CACNB2: variants seen among roughly 807,000 people sequenced by gnomAD.
The protein encoded by CACNB2 is calcium voltage-gated channel auxiliary subunit beta 2.
CACNB2 carries 42 observed loss-of-function variants against 73.3 expected under a neutral mutation model. The ratio of observed to expected loss-of-function variants is 0.57; its 90% CI spans 0.45 to 0.74. CACNB2 has a LOEUF of 0.74. Among genes scored for constraint, CACNB2 ranks in the 30% least tolerant of loss-of-function variants. CACNB2 has a pLI of 0.00. For missense variants in CACNB2, 940 were observed against 853.0 expected, an observed-to-expected ratio of 1.10 and a Z score of -1.27; for synonymous variants, 348 against 310.3, an observed-to-expected ratio of 1.12 and a Z score of -1.28.
At chr10:18,228,393 A>G (rs191665449) in intron 2 of CACNB2, among the ~76,000 whole-genome samples, 23 of 132,690 alleles carry the variant, frequency 1.7e-4, no homozygotes, top group Admixed American at 1.4e-3. Flanking sequence ...AGATGGCGAC[A>G]TTGCACTCCA....
intron 3 of CACNB2, among the ~76,000 whole-genome samples, chr10:18,496,730 C>T (rs972924915): frequency 8.3e-5 from 11 of 132,086 alleles, no homozygotes; most frequent in African/African-American, 3.2e-4. Flanking sequence ...AGGAGAACCG[C>T]TTGAATGCAG....
At chr10:18,273,314 T>C (rs2038136578) in intron 2 of CACNB2, among the ~76,000 whole-genome samples, 1 of 151,618 alleles carries the variant, frequency 6.6e-6, no homozygotes, top group Non-Finnish European at 1.5e-5. Context: ...TTACAGACAG[T>C]GGAGGACGAA....
chr10:18,460,192 T>G (rs1456023163), intron 3 of CACNB2, among the ~76,000 whole-genome samples: 1 of 152,190 alleles, frequency 6.6e-6, no homozygotes, highest in Non-Finnish European at 1.5e-5. Flanking sequence ...TTAGGAGTGT[T>G]GTTTTAATTC....
At chr10:18,384,652 C>G (rs1352282831) in intron 2 of CACNB2, among the ~76,000 whole-genome samples, 1 of 151,430 alleles carries the variant, frequency 6.6e-6, no homozygotes, top group Non-Finnish European at 1.5e-5. Context: ...ATCACTTGAG[C>G]CTGGAAGGTG....
chr10:18,162,250 T>A (rs1170989740), intron 2 of CACNB2, among the ~76,000 whole-genome samples: 2 of 152,232 alleles, frequency 1.3e-5, no homozygotes, highest in East Asian at 3.8e-4. Context: ...TATAGAAATT[T>A]AACACCTAAA....
intron 3 of CACNB2, among the ~76,000 whole-genome samples, chr10:18,417,360 C>CTTTTTT (rs34847923): frequency 2.3e-5 from 2 of 87,014 alleles, no homozygotes; most frequent in African/African-American, 5.2e-5. Flanking sequence ...GCTAAAAATT[C>CTTTTTT]TTTTTTTTTT....
chr10:18,493,086 A>G (rs1445749965), intron 3 of CACNB2, among the ~76,000 whole-genome samples: 1 of 152,248 alleles, frequency 6.6e-6, no homozygotes, highest in Non-Finnish European at 1.5e-5. Context: ...CTATTTGCAT[A>G]GCGTTTACCT....
chr10:18,390,406 G>T (rs760080665), intron 2 of CACNB2, among the ~76,000 whole-genome samples: 93 of 152,156 alleles, frequency 6.1e-4, no homozygotes, highest in Non-Finnish European at 1.1e-3. Flanking sequence ...AGCGATGGGG[G>T]TTTCACCATA....
chr10:18,377,141 A>G (rs1295894664), intron 2 of CACNB2, among the ~76,000 whole-genome samples: 1 of 152,184 alleles, frequency 6.6e-6, no homozygotes, highest in Non-Finnish European at 1.5e-5. Context: ...CTGCAAAAAG[A>G]AAACCAAAAA....
chr10:18,400,960 C>G, intron 2 of CACNB2: 10 of 1,610,222 alleles, frequency 6.2e-6, no homozygotes, highest in African/African-American at 1.3e-5. Flanking sequence ...CTGGGGTTCT[C>G]CGGGGCTCAG....
intron 2 of CACNB2, among the ~76,000 whole-genome samples, chr10:18,377,355 TTA>T (rs2042842639): frequency 6.6e-6 from 1 of 152,218 alleles, no homozygotes; most frequent in South Asian, 2.1e-4. Context: ...CTATATAATA[TTA>T]TGTCTGGTGT....
intron 13 of CACNB2, 84 bp downstream of exon 13, chr10:18,538,449 C>T: frequency 2.5e-6 from 3 of 1,190,590 alleles, no homozygotes; most frequent in Non-Finnish European, 3.7e-6. Flanking sequence ...GGATCCAAGC[C>T]CAGTAGCCTG....
intron 2 of CACNB2, among the ~76,000 whole-genome samples, chr10:18,164,203 C>T (rs2032680898): frequency 6.6e-6 from 1 of 152,224 alleles, no homozygotes; most frequent in South Asian, 2.1e-4. Context: ...GGGTTTAGAG[C>T]TGCAGACAGC....
At chr10:18,328,653 A>C (rs4146986) in intron 2 of CACNB2, among the ~76,000 whole-genome samples, 3,096 of 152,314 alleles carry the variant, frequency 0.02, 94 homozygotes, top group Admixed American at 0.086. Context: ...CTAATTTAAC[A>C]AACCAGTGTA....
intron 2 of CACNB2, among the ~76,000 whole-genome samples, chr10:18,352,117 C>A (rs1049585720): frequency 1.3e-5 from 2 of 152,250 alleles, no homozygotes; most frequent in African/African-American, 2.4e-5. Context: ...AAAAGTACAA[C>A]TTAAAAGTAC....
At chr10:18,401,809 C>T (rs2044011060) in intron 2 of CACNB2, 115 bp from the exon 3 acceptor site, 1 of 1,039,232 alleles carries the variant, frequency 9.6e-7, no homozygotes, top group Non-Finnish European at 1.5e-6. Flanking sequence ...TTATTTTCTC[C>T]TCTTTTCAGG....
At chr10:18,372,396 G>C (rs2132301177) in intron 2 of CACNB2, among the ~76,000 whole-genome samples, 1 of 152,132 alleles carries the variant, frequency 6.6e-6, no homozygotes, top group Middle Eastern at 3.4e-3. Flanking sequence ...TATAAGGAAG[G>C]GGTCCAGTTT....
chr10:18,365,118 C>A (rs906066186), intron 2 of CACNB2, among the ~76,000 whole-genome samples: 1 of 152,164 alleles, frequency 6.6e-6, no homozygotes, highest in African/African-American at 2.4e-5. Context: ...TAATTACTGA[C>A]TGAGTTGATA....
chr10:18,513,477 C>T (rs1305764548), intron 6 of CACNB2: 2 of 279,408 alleles, frequency 7.2e-6, no homozygotes, highest in Non-Finnish European at 1.4e-5. Flanking sequence ...TGCTCCTCAT[C>T]TTCAAGTCCC....
Sources: gnomAD v4.1 joint callset for allele counts (sites outside exome capture counted in the v4.1 genomes callset) on GRCh38, gnomAD v4.1.1 for gene constraint, MANE v1.5 for transcripts, NCBI Gene and HGNC (gene_info 2026-07-23, HGNC 2026-07-21) for gene names.